The following NTAN1 variants were observed in gnomAD, a reference collection of about 807,000 sequenced individuals.
The protein encoded by NTAN1 is protein N-terminal asparagine amidohydrolase.
NTAN1 carries 32 observed loss-of-function variants against 41.9 expected under a neutral mutation model. The ratio of observed to expected loss-of-function variants is 0.76; its 90% confidence interval spans 0.58 to 1.03. NTAN1 has a LOEUF of 1.03. NTAN1 is among the 50% of genes least tolerant of loss of function. The pLI is 0.00. For synonymous variants in NTAN1, 140 were observed against 139.5 expected (o/e 1.00, Z -0.03); for missense variants, 377 against 377.5 (o/e 1.00, Z 0.01).
chr16:15,044,458 G>A, intron 4 of NTAN1, 51 bp from the exon 5 acceptor site: 1 of 1,169,414 alleles, frequency 8.6e-7, no homozygotes, highest in Non-Finnish European at 1.3e-6. Flanking sequence ...ACCGGTGCGT[G>A]CGCTGGTCTC....
chr16:15,044,625 G>A, intron 4 of NTAN1: 1 of 584,934 alleles, frequency 1.7e-6, no homozygotes, highest in Non-Finnish European at 3.0e-6. Flanking sequence ...TGACTGAGGG[G>A]ATCCGTATCT....
intron 1 of NTAN1, 48 bp from the exon 2 acceptor site, chr16:15,048,147 T>A (rs779304563): frequency 4.4e-6 from 6 of 1,349,690 alleles, no homozygotes; most frequent in Non-Finnish European, 6.3e-6. Flanking sequence ...TTAGTGAGGA[T>A]GGAAAAACTA....
chr16:15,049,196 T>G (rs1448936178), intron 1 of NTAN1, among the ~76,000 whole-genome samples: 136 of 134,928 alleles, frequency 1.0e-3, no homozygotes, highest in Admixed American at 2.6e-3. Context: ...ACCTGGCTGA[T>G]TTTTATACTT....
intron 7 of NTAN1, 85 bp downstream of exon 7, chr16:15,040,983 G>T: frequency 2.2e-6 from 2 of 908,806 alleles, no homozygotes; most frequent in Non-Finnish European, 3.7e-6. Flanking sequence ...CATCCTGACA[G>T]CAGTGGGGTC....
Position 15,041,444 on chromosome 16 carries a change from G to A in NTAN1, c.487+179C>T, listed in dbSNP as rs569535708. Among the ~76,000 whole-genome samples the A allele has an allele frequency of 3.9e-5, 6 of 152,178 alleles. No homozygotes were observed. In the South Asian group the frequency reaches 8.3e-4, roughly 21 times the overall value. ...GGGGGCTGCACTGGAACTGAGGCTC[G>A]GCAGATGGTGGACGAGGGCAAGGGG... On this transcript the variant is annotated intron_variant, in intron 6 of 9. Transcript: ENST00000287706.
In NTAN1 at chr16:15,055,989, AGG is replaced by A; in HGVS notation, c.-20_-19del. The A allele has an allele frequency of 8.3e-7, 1 of 1,203,090 alleles. No homozygotes were observed. The highest frequency in any genetic ancestry group is 1.0e-6 in the Non-Finnish European group (1 of 967,716). 74.5% of individuals were successfully genotyped at this position (1,203,090 alleles called of 1,614,324 possible). A position where few individuals can be genotyped will look rare whatever the true frequency, so the allele number is the denominator to read the frequency against. Reference sequence around the variant, plus strand: ...AGCGGCATCGCGGAGGCGGCCGCCCAGGCAGGCCCAGGGAGGCGGCGGCCCCC... The same window carrying A: ...AGCGGCATCGCGGAGGCGGCCGCCCACAGGCCCAGGGAGGCGGCGGCCCCC... On this transcript the variant is annotated 5_prime_UTR_variant, in exon 1 of 10. Coordinates refer to ENST00000287706, the MANE Select transcript of NTAN1 (RefSeq NM_173474.4).
At chr16:15,050,420 G>T (rs1197139655) in intron 1 of NTAN1, among the ~76,000 whole-genome samples, 1 of 152,124 alleles carries the variant, frequency 6.6e-6, no homozygotes, top group African/African-American at 2.4e-5. Flanking sequence ...TGCTAATTTA[G>T]GTTAGCGCTC....
At chr16:15,041,030 AC>A in intron 7 of NTAN1, 37 bp downstream of exon 7, 1 of 1,438,964 alleles carries the variant, frequency 6.9e-7, no homozygotes, top group Non-Finnish European at 9.8e-7. Context: ...TGCACATGTG[AC>A]CAAGACTCCA....
rs370310353 is a variant in NTAN1, at chr16:15,047,238, G to C, written c.359+204C>G. Reference sequence around the variant, plus strand: ...AGCCTTCCATCTCAAATCCAGCACAGACTCCTTGCCTGTGCCCAGCACCCA... The same window carrying C: ...AGCCTTCCATCTCAAATCCAGCACACACTCCTTGCCTGTGCCCAGCACCCA... On this transcript the variant is annotated intron_variant, in intron 4 of 9. Transcript: ENST00000287706. 3.4e-5 allele frequency: 19 copies of C among 557,680 alleles called. No homozygotes were observed. The South Asian group carries it at 3.7e-4, about 11-fold the overall frequency. 34.5% of individuals were successfully genotyped at this position (557,680 alleles called of 1,614,324 possible).
intron 8 of NTAN1, among the ~76,000 whole-genome samples, chr16:15,038,953 G>A (rs191301032): frequency 9.2e-5 from 14 of 152,290 alleles, no homozygotes; most frequent in Admixed American, 9.2e-4. Context: ...AAAACTTGAG[G>A]CTCAGAGAAA....
At chr16:15,050,126 T>C (rs992188743) in intron 1 of NTAN1, among the ~76,000 whole-genome samples, 1 of 152,230 alleles carries the variant, frequency 6.6e-6, no homozygotes, top group Non-Finnish European at 1.5e-5. Context: ...GGTATGTTAA[T>C]ACTAAGTGTC....
intron 1 of NTAN1, among the ~76,000 whole-genome samples, chr16:15,054,333 C>G (rs1372009425): frequency 6.6e-6 from 1 of 152,222 alleles, no homozygotes; most frequent in East Asian, 1.9e-4. Flanking sequence ...AACCTTCCTT[C>G]GAGAGAAGCA....
intron 8 of NTAN1, 43 bp from the exon 9 acceptor site, chr16:15,038,730 C>T (rs1159318969): frequency 2.7e-6 from 3 of 1,127,508 alleles, no homozygotes; most frequent in African/African-American, 3.1e-5. Context: ...GGAATGTCAC[C>T]CACTTTTCAA....
At chr16:15,055,037 T>C (rs776361625) in intron 1 of NTAN1, among the ~76,000 whole-genome samples, 2 of 152,112 alleles carry the variant, frequency 1.3e-5, no homozygotes, top group African/African-American at 2.4e-5. Flanking sequence ...TTCTAGACTA[T>C]AAACACTCCG....
At chr16:15,049,494 T>C (rs1025979464) in intron 1 of NTAN1, among the ~76,000 whole-genome samples, 10 of 151,986 alleles carry the variant, frequency 6.6e-5, no homozygotes, top group Non-Finnish European at 1.3e-4. Flanking sequence ...AGTGGCGTGA[T>C]CTCAGTTCAC....
intron 1 of NTAN1, 48 bp from the exon 2 acceptor site, chr16:15,048,147 T>G: frequency 7.4e-7 from 1 of 1,349,690 alleles, no homozygotes; most frequent in South Asian, 1.2e-5. Context: ...TTAGTGAGGA[T>G]GGAAAAACTA....
intron 1 of NTAN1, among the ~76,000 whole-genome samples, chr16:15,051,710 T>C (rs1217767973): frequency 7.4e-5 from 11 of 149,022 alleles, no homozygotes; most frequent in African/African-American, 2.7e-4. Context: ...TTTTTTTTTT[T>C]TTTTTTTAGA....
Position 15,040,052 on chromosome 16 carries a change from T to G in NTAN1, c.556A>C (p.Thr186Pro). Residue 186 changes from threonine (T) to proline (P), a missense_variant, in exon 8 of 10, where the codon ACT (threonine) becomes CCT (proline). Physicochemically the swap from Thr to Pro is conservative, Grantham distance 38 (BLOSUM62 -1). Transcript: ENST00000287706. ...AAGGATGCTCTGTAAATCTCTGCAG[T>G]CTTAATGTTGACAGCTGTGAGGGAC... ...VIYGIAVNIK[T>P]AEIYRASFQD... 6.2e-7 allele frequency: 1 copy of G among 1,605,902 alleles called. No homozygotes were observed. Among genetic ancestry groups the G allele is most frequent in the Non-Finnish European group, 8.5e-7 (1 of 1,173,084 alleles).
chr16:15,055,121 C>G (rs2044452451), intron 1 of NTAN1, among the ~76,000 whole-genome samples: 2 of 152,170 alleles, frequency 1.3e-5, no homozygotes, highest in African/African-American at 2.4e-5. Flanking sequence ...AATCAAGGAA[C>G]TGATTGATTC....
Sources: allele counts gnomAD v4.1 joint callset (sites outside exome capture counted in the v4.1 genomes callset), GRCh38; gene constraint gnomAD v4.1.1; transcripts MANE v1.5; gene names NCBI Gene and HGNC (gene_info 2026-07-23, HGNC 2026-07-21).